The following MON2 variants were observed in gnomAD, a reference collection of about 807,000 sequenced individuals.
MON2 encodes protein MON2 homolog.
A neutral mutation model predicts 208.6 loss-of-function variants in MON2; 84 were observed. That is an observed-to-expected ratio of 0.40 (90% CI 0.34 to 0.48). The LOEUF is 0.48. Among genes scored for constraint, MON2 ranks in the 20% least tolerant of loss-of-function variants. The pLI, the probability that MON2 is intolerant of heterozygous loss-of-function variation, is 0.59. For missense variants in MON2, 1,611 were observed against 2,015.4 expected (o/e 0.80, Z 3.84); for synonymous variants, 660 against 694.0 (o/e 0.95, Z 0.77).
chr12:62,579,578 T>C (rs61919489), intron 31 of MON2, among the ~76,000 whole-genome samples: 1 of 149,106 alleles, frequency 6.7e-6, no homozygotes, highest in Non-Finnish European at 1.5e-5. Flanking sequence ...AAAAAAAAAT[T>C]AGCTGGGCGT....
chr12:62,543,183 T>C lies in MON2; in HGVS notation c.2451T>C (p.Thr817=), dbSNP rs1365915615. The stretch of plus-strand genomic sequence containing the variant: ...TAGAAATTCTGTGGAGACCTCTGAC[T>C]GGCCATCTACTTGAGGTAAATTCTC... ...HRIEILWRPL[T]GHLLEVCQHP... is the part of the protein sequence containing the mutation. Residue 817 remains threonine (T), a synonymous_variant, in exon 20 of 35, where the codon ACT becomes ACC. Transcript: ENST00000393630. 7 of 1,542,128 alleles carry C rather than the reference T, an allele frequency of 4.5e-6. No homozygotes were observed. Among genetic ancestry groups the C allele is most frequent in the Non-Finnish European group, 6.1e-6 (7 of 1,145,228 alleles).
rs1200434479 is a variant in MON2 at position 62,600,073 on chromosome 12, A to G, written c.*7324A>G. 2 of 152,200 alleles carry G rather than the reference A, an allele frequency of 1.3e-5. No homozygotes were observed. Among genetic ancestry groups the G allele is most frequent in the African/African-American group, 4.8e-5 (2 of 41,450 alleles). 9.4% of individuals were successfully genotyped at this position (152,200 alleles called of 1,614,324 possible). ...AATCCCAACTCTGTTATTTTACTAAATGTGTGACCTTGGGCAAGTTAATTA... is the reference window on the plus strand; with the variant it reads ...AATCCCAACTCTGTTATTTTACTAAGTGTGTGACCTTGGGCAAGTTAATTA... On this transcript the variant is annotated 3_prime_UTR_variant, in exon 35 of 35. Transcript: ENST00000393630.
intron 2 of MON2, among the ~76,000 whole-genome samples, chr12:62,485,389 G>A (rs779406687): frequency 6.6e-6 from 1 of 152,212 alleles, no homozygotes; most frequent in Non-Finnish European, 1.5e-5. Context: ...TGGGATTTCA[G>A]AGTGTTATGA....
Position 62,592,631 on chromosome 12 carries a change from T to C in MON2, c.5036T>C (p.Leu1679Ser). Residue 1679 changes from leucine (L) to serine (S), a missense_variant, in exon 35 of 35, where the codon TTA becomes TCA. Coordinates refer to ENST00000393630, the MANE Select transcript of MON2 (RefSeq NM_015026.3). ...WAQVIALYPT[L>S]VECITCSSSE... Reference sequence around the variant, plus strand: ...CAAGTAATTGCCTTATACCCAACTTTAGTAGAATGCATCACCTGTTCTTCT... The same window carrying C: ...CAAGTAATTGCCTTATACCCAACTTCAGTAGAATGCATCACCTGTTCTTCT... 6.2e-7 allele frequency: 1 copy of C among 1,611,632 alleles called. No individual in the cohort carries two copies. The highest frequency in any genetic ancestry group is 8.5e-7 in the Non-Finnish European group (1 of 1,178,112).
rs2075523788 is a variant in MON2 at position 62,596,141 on chromosome 12, G to C, written c.*3392G>C. The C allele has an allele frequency of 6.6e-6, 1 of 152,166 alleles. No homozygotes were observed. The highest frequency in any genetic ancestry group is 2.4e-5 in the African/African-American group (1 of 41,442). The allele number at this position is 152,166 out of a possible 1,614,324, so 9.4% of individuals were successfully genotyped here. ...AAAGGATCAGTTGAGAAACAGTTAA[G>C]GATGAATTAGCATAAGTTATGGAAC... On this transcript the variant is annotated 3_prime_UTR_variant, in exon 35 of 35. Coordinates refer to ENST00000393630, the MANE Select transcript of MON2 (RefSeq NM_015026.3).
intron 11 of MON2, among the ~76,000 whole-genome samples, chr12:62,526,525 A>C (rs953132686): frequency 2.0e-5 from 3 of 152,026 alleles, no homozygotes; most frequent in Non-Finnish European, 4.4e-5. Context: ...TCAGAATTCT[A>C]TATGTAAGAA....
rs1401040362 is a variant in MON2, at chr12:62,531,012, G to T, written c.1401-1426G>T. Among the ~76,000 whole-genome samples, 3 of 152,012 alleles carry T rather than the reference G, an allele frequency of 2.0e-5. No homozygotes were observed. In the East Asian group the frequency reaches 5.8e-4, roughly 29 times the overall value. Reference sequence around the variant, plus strand: ...CAAGCATCTTTTTGTGTGCTTCTTGGCCATTTATATGTCATGTTGGGCGAA... The same window carrying T: ...CAAGCATCTTTTTGTGTGCTTCTTGTCCATTTATATGTCATGTTGGGCGAA... On this transcript the variant is annotated intron_variant, in intron 11 of 34. Transcript: ENST00000393630.
intron 1 of MON2, among the ~76,000 whole-genome samples, chr12:62,472,478 C>T (rs966440103): frequency 3.3e-5 from 5 of 152,178 alleles, no homozygotes; most frequent in Non-Finnish European, 7.3e-5. Context: ...AAGTAGTCTT[C>T]CTAGGCTATG....
At chr12:62,539,904 G>C (rs571665317) in intron 19 of MON2, among the ~76,000 whole-genome samples, 1 of 152,110 alleles carries the variant, frequency 6.6e-6, no homozygotes, top group East Asian at 2.0e-4. Flanking sequence ...AGGAGGCGGA[G>C]GTTGCTGTGA....
At chr12:62,529,733 T>A (rs1391299846) in intron 11 of MON2, among the ~76,000 whole-genome samples, 2 of 152,204 alleles carry the variant, frequency 1.3e-5, no homozygotes, top group South Asian at 4.1e-4. Flanking sequence ...TTCTTCTAGC[T>A]CCTTAGCAAC....
intron 11 of MON2, among the ~76,000 whole-genome samples, chr12:62,530,137 C>T (rs1348404163): frequency 6.6e-6 from 1 of 152,050 alleles, no homozygotes; most frequent in East Asian, 1.9e-4. Flanking sequence ...TCTCTTTACC[C>T]CCAAACCTCC....
intron 21 of MON2, 35 bp from the exon 22 acceptor site, chr12:62,546,862 T>G: frequency 6.6e-7 from 1 of 1,520,782 alleles, no homozygotes. Context: ...CTTTTTGGAC[T>G]TCTCTTCCTA....
chr12:62,488,877 C>G (rs1476390531), intron 2 of MON2, among the ~76,000 whole-genome samples: 1 of 151,852 alleles, frequency 6.6e-6, no homozygotes, highest in African/African-American at 2.4e-5. Flanking sequence ...GGAGGGATAG[C>G]ATTAGAAGAA....
In MON2 at chr12:62,596,690, A is replaced by G. The variant is rs1181974597; in HGVS notation, c.*3941A>G. 2.0e-5 allele frequency: 3 copies of G among 152,238 alleles called. No individual in the cohort carries two copies. The highest frequency in any genetic ancestry group is 7.2e-5 in the African/African-American group (3 of 41,468). The allele number at this position is 152,238 out of a possible 1,614,324, so 9.4% of individuals were successfully genotyped here. A position where few individuals can be genotyped will look rare whatever the true frequency, so the allele number is the denominator to read the frequency against. On this transcript the variant is annotated 3_prime_UTR_variant, in exon 35 of 35. Transcript: ENST00000393630. ...GCCACATAGTATTTTACCAATTTATATAAAGTGGGAAAAGTCTTTAATACT... is the reference window on the plus strand; with the variant it reads ...GCCACATAGTATTTTACCAATTTATGTAAAGTGGGAAAAGTCTTTAATACT...
chr12:62,473,423 G>A (rs2068895761), intron 1 of MON2, among the ~76,000 whole-genome samples: 1 of 152,044 alleles, frequency 6.6e-6, no homozygotes, highest in African/African-American at 2.4e-5. Context: ...CAACTTTCTT[G>A]TTTTTGTTAT....
At chr12:62,575,373 T>C (rs1490636460) in intron 30 of MON2, among the ~76,000 whole-genome samples, 1 of 152,220 alleles carries the variant, frequency 6.6e-6, no homozygotes, top group East Asian at 1.9e-4. Flanking sequence ...TTCTAAATAA[T>C]TGATAACTTT....
chr12:62,573,560 TA>T (rs927618492), intron 30 of MON2, among the ~76,000 whole-genome samples: 7 of 150,220 alleles, frequency 4.7e-5, no homozygotes, highest in African/African-American at 7.3e-5. Flanking sequence ...ATCCTGTATA[TA>T]AAAAAAAATG....
At chr12:62,494,397 A>G (rs1278565305) in intron 3 of MON2, among the ~76,000 whole-genome samples, 1 of 152,166 alleles carries the variant, frequency 6.6e-6, no homozygotes, top group Non-Finnish European at 1.5e-5. Context: ...TTTGTTTTTC[A>G]TTAACTTAAA....
At chr12:62,473,721 C>T (rs191727030) in intron 1 of MON2, among the ~76,000 whole-genome samples, 6 of 152,228 alleles carry the variant, frequency 3.9e-5, no homozygotes, top group Non-Finnish European at 5.9e-5. Context: ...AGGCAGATGC[C>T]ACCACGGCTG....
Sources: gnomAD v4.1 joint callset for allele counts (sites outside exome capture counted in the v4.1 genomes callset) on GRCh38, gnomAD v4.1.1 for gene constraint, MANE v1.5 for transcripts, NCBI Gene and HGNC (gene_info 2026-07-23, HGNC 2026-07-21) for gene names.